Variants in SLC25A11 observed in about 807,000 individuals in gnomAD.
SLC25A11 encodes the protein mitochondrial 2-oxoglutarate/malate carrier protein.
SLC25A11 carries 11 observed loss-of-function variants against 32.7 expected under a neutral mutation model. The observed-to-expected ratio is 0.34, with a 90% CI of 0.21 to 0.56. The LOEUF (loss-of-function observed/expected upper bound fraction) is 0.56. SLC25A11 is among the 20% of genes least tolerant of loss of function. SLC25A11 has a pLI of 0.90. For missense variants in SLC25A11, 295 were observed against 426.3 expected, an observed-to-expected ratio of 0.69 and a Z score of 2.71; for synonymous variants, 163 against 168.3, an observed-to-expected ratio of 0.97 and a Z score of 0.24.
rs1177297963 is a variant in SLC25A11, at chr17:4,938,093, G to A, written c.738-19C>T. On this transcript the variant is annotated intron_variant, in intron 6 of 7. Transcript: ENST00000225665. The surrounding 1 kb of genome is among the most constrained non-coding windows in gnomAD (Gnocchi z 7.6). Reference sequence around the variant, plus strand: ...CTGGATTCTGCAGGAGAGGACGCAGGGGCATGAGAGACCGAAAGGGCACCC... The same window carrying A: ...CTGGATTCTGCAGGAGAGGACGCAGAGGCATGAGAGACCGAAAGGGCACCC... 5 of 1,614,152 alleles carry A rather than the reference G, an allele frequency of 3.1e-6. No individual in the cohort carries two copies. The highest frequency in any genetic ancestry group is 1.1e-5 in the South Asian group (1 of 91,078).
chr17:4,939,301 C>A lies in SLC25A11; in HGVS notation c.96-89G>T. On this transcript the variant is annotated intron_variant, in intron 1 of 7. Transcript: ENST00000225665. The surrounding 1 kb of genome is among the most constrained non-coding windows in gnomAD (Gnocchi z 4.1). Reference sequence around the variant, plus strand: ...CCTGGCAGCAAGAGGTTACAAAGGTCAGGGCCTGCCATGCGATTCAAGAAT... The same window carrying A: ...CCTGGCAGCAAGAGGTTACAAAGGTAAGGGCCTGCCATGCGATTCAAGAAT... 7.2e-7 allele frequency: 1 copy of A among 1,384,284 alleles called. No homozygotes were observed. Among genetic ancestry groups the A allele is most frequent in the South Asian group, 1.4e-5 (1 of 73,594 alleles). 85.8% of individuals were successfully genotyped at this position (1,384,284 alleles called of 1,614,324 possible).
chr17:4,939,061 C>T lies in SLC25A11; in HGVS notation c.247G>A (p.Gly83Arg), dbSNP rs1484995403. The T allele has an allele frequency of 6.2e-7, 1 of 1,614,208 alleles. No individual in the cohort carries two copies. The highest frequency in any genetic ancestry group is 1.3e-5 in the African/African-American group (1 of 75,050). Residue 83 changes from glycine to arginine, a missense_variant and splice_region_variant, in exon 2 of 8, where the codon GGG (glycine) becomes AGG (arginine). Gly to Arg is a moderately radical substitution (Grantham distance 125, BLOSUM62 -2). Around this residue, in one of 3 missense-constraint regions of SLC25A11, gnomAD observed 104 missense variants for 121.5 expected, o/e 0.86. Transcript: ENST00000225665. The surrounding 1 kb of genome is among the most constrained non-coding windows in gnomAD (Gnocchi z 4.1). Reference sequence around the variant, plus strand: ...CCCTCCATCCTGAGGCCCCAATACCCAGTGTAAATGCCCCTCAGGCCTTCT... The same window carrying T: ...CCCTCCATCCTGAGGCCCCAATACCTAGTGTAAATGCCCCTCAGGCCTTCT... ...KAEGLRGIYT[G>R]LSAGLLRQAT...
chr17:4,937,595 G>T lies in SLC25A11; in HGVS notation c.*146C>A. 1 of 909,538 alleles carries T rather than the reference G, an allele frequency of 1.1e-6. No individual in the cohort carries two copies. The highest frequency in any genetic ancestry group is 1.6e-6 in the Non-Finnish European group (1 of 614,566). 56.3% of individuals were successfully genotyped at this position (909,538 alleles called of 1,614,324 possible). A position where few individuals can be genotyped will look rare whatever the true frequency, so the allele number is the denominator to read the frequency against. On this transcript the variant is annotated 3_prime_UTR_variant, in exon 8 of 8. Coordinates refer to ENST00000225665, the MANE Select transcript of SLC25A11 (RefSeq NM_003562.5). ...GACGAGCAGGGCAAGCTGGAGCAGG[G>T]GGTAGAACAGACCAAGTCCTTTACC...
In SLC25A11 at chr17:4,939,020, G is replaced by A. The variant is rs1387692794; in HGVS notation, c.248+40C>T. On this transcript the variant is annotated intron_variant, in intron 2 of 7. Transcript: ENST00000225665. This position sits in a 1 kb window ranked among gnomAD's most constrained non-coding sequence, Gnocchi z 4.1. ...GCATATCAGGCCAAGGTCTAGAGCT[G>A]CCAACCCACAGTCTACCCTCCATCC... 10 of 1,614,054 alleles carry A rather than the reference G, an allele frequency of 6.2e-6. No homozygotes were observed. The highest frequency in any genetic ancestry group is 8.5e-6 in the Non-Finnish European group (10 of 1,180,008).
chr17:4,938,235 ATGT>A lies in SLC25A11; in HGVS notation c.653_655del (p.Asn218del), dbSNP rs746406233. 2 of 1,613,786 alleles carry A rather than the reference ATGT, an allele frequency of 1.2e-6. No homozygotes were observed. Among genetic ancestry groups the A allele is most frequent in the Non-Finnish European group, 1.7e-6 (2 of 1,179,820 alleles). On this transcript the variant is annotated inframe_deletion, in exon 6 of 8. Transcript: ENST00000225665. The surrounding 1 kb of genome is among the most constrained non-coding windows in gnomAD (Gnocchi z 7.6). ...CATGCTGGCACAGAAGTGGCACAAG[ATGT>A]TGTCAGAGAAGTAGCCTGGGGGAGG... is the stretch of plus-strand genomic sequence containing the variant.
chr17:4,937,357 A>C lies in SLC25A11; in HGVS notation c.*384T>G. 2 of 164,018 alleles carry C rather than the reference A, an allele frequency of 1.2e-5. No individual in the cohort carries two copies. Among genetic ancestry groups the C allele is most frequent in the Non-Finnish European group, 1.3e-5 (1 of 76,304 alleles). 10.2% of individuals were successfully genotyped at this position (164,018 alleles called of 1,614,324 possible). A position where few individuals can be genotyped will look rare whatever the true frequency, so the allele number is the denominator to read the frequency against. ...ATTAAGTCCTCAATGAGGGGGAGGA[A>C]GGGCCACATCTCCCTCTGCAGGCCC... On this transcript the variant is annotated 3_prime_UTR_variant, in exon 8 of 8. Transcript: ENST00000225665.
Position 4,940,010 on chromosome 17 carries a change from C to A in SLC25A11, c.-100G>T. On this transcript the variant is annotated 5_prime_UTR_variant, in exon 1 of 8. Coordinates refer to ENST00000225665, the MANE Select transcript of SLC25A11 (RefSeq NM_003562.5). ...GCAACAGAGCGAGGGCGCGCGCACG[C>A]CCCTCCAGCTCTCAGGTCCGACACC... The A allele has an allele frequency of 2.6e-6, 2 of 770,762 alleles. No homozygotes were observed. Among genetic ancestry groups the A allele is most frequent in the Non-Finnish European group, 1.9e-6 (1 of 519,804 alleles). The allele number at this position is 770,762 out of a possible 1,614,324, so 47.7% of individuals were successfully genotyped here.
Position 4,939,652 on chromosome 17 carries a change from T to C in SLC25A11, c.95+164A>G. The C allele has an allele frequency of 1.5e-6, 1 of 689,216 alleles. No homozygotes were observed. Among genetic ancestry groups the C allele is most frequent in the South Asian group, 1.7e-5 (1 of 60,472 alleles). The allele number at this position is 689,216 out of a possible 1,614,324, so 42.7% of individuals were successfully genotyped here. On this transcript the variant is annotated intron_variant, in intron 1 of 7. Coordinates refer to ENST00000225665, the MANE Select transcript of SLC25A11 (RefSeq NM_003562.5). The surrounding 1 kb of genome is among the most constrained non-coding windows in gnomAD (Gnocchi z 4.1). ...CCCTGCATGCAGTCCATAAGGGTCC[T>C]GCAATGGGGCCCTAGCAGCCCATCG...
chr17:4,938,040 C>G lies in SLC25A11; in HGVS notation c.772G>C (p.Glu258Gln). Residue 258 changes from glutamate (E) to glutamine (Q), a missense_variant, in exon 7 of 8, where the codon GAA becomes CAA. By Grantham distance (29) the Glu-to-Gln change is conservative. Coordinates refer to ENST00000225665, the MANE Select transcript of SLC25A11 (RefSeq NM_003562.5). The surrounding 1 kb of genome is among the most constrained non-coding windows in gnomAD (Gnocchi z 7.6). Reference protein sequence around the residue: ...QNMRMIDGKPEYKNGLDVLFK... With the variant: ...QNMRMIDGKPQYKNGLDVLFK... ...TTCCTCACCAGCCCGTTCTTGTATT[C>G]CGGCTTCCCATCAATCATCCGCATG... The G allele has an allele frequency of 1.2e-6, 2 of 1,614,184 alleles. No individual in the cohort carries two copies.
Position 4,940,034 on chromosome 17 carries a change from C to G in SLC25A11, c.-124G>C, listed in dbSNP as rs553531588. On this transcript the variant is annotated 5_prime_UTR_variant, in exon 1 of 8. Transcript: ENST00000225665. The stretch of plus-strand genomic sequence containing the variant: ...GCCCCTCCAGCTCTCAGGTCCGACA[C>G]CCGCTGGAAGCCGGCGCGGGCGCAG... The G allele has an allele frequency of 5.0e-6, 3 of 603,846 alleles. No individual in the cohort carries two copies. Among genetic ancestry groups the G allele is most frequent in the Non-Finnish European group, 7.8e-6 (3 of 383,210 alleles). 37.4% of individuals were successfully genotyped at this position (603,846 alleles called of 1,614,324 possible). A position where few individuals can be genotyped will look rare whatever the true frequency, so the allele number is the denominator to read the frequency against.
Position 4,939,144 on chromosome 17 carries a change from C to T in SLC25A11, c.164G>A (p.Gly55Glu). 1 of 1,614,014 alleles carries T rather than the reference C, an allele frequency of 6.2e-7. No homozygotes were observed. The highest frequency in any genetic ancestry group is 8.5e-7 in the Non-Finnish European group (1 of 1,179,920). ...VKNRMQLSGE[G>E]AKTREYKTSF... Reference sequence around the variant, plus strand: ...GGTTTTGTACTCTCGAGTCTTGGCCCCTTCCCCGCTCAACTGCATCCGGTT... The same window carrying T: ...GGTTTTGTACTCTCGAGTCTTGGCCTCTTCCCCGCTCAACTGCATCCGGTT... Residue 55 changes from glycine to glutamate, a missense_variant, in exon 2 of 8, where the codon GGG becomes GAG. Around this residue, in one of 3 missense-constraint regions of SLC25A11, gnomAD observed 104 missense variants for 121.5 expected, o/e 0.86. Coordinates refer to ENST00000225665, the MANE Select transcript of SLC25A11 (RefSeq NM_003562.5). The surrounding 1 kb of genome is among the most constrained non-coding windows in gnomAD (Gnocchi z 4.1).
At position 4,938,352 on chromosome 17, in the gene SLC25A11, G is replaced by C. The variant is rs755700342; in HGVS notation, c.624C>G (p.Phe208Leu). The C allele has an allele frequency of 1.9e-6, 3 of 1,614,154 alleles. No individual in the cohort carries two copies. In the Admixed American group the frequency reaches 5.0e-5, roughly 27 times the overall value. Residue 208 changes from phenylalanine to leucine, a missense_variant, in exon 5 of 8, where the codon TTC becomes TTG. Physicochemically the swap from Phe to Leu is conservative, Grantham distance 22 (BLOSUM62 0). Transcript: ENST00000225665. The surrounding 1 kb of genome is among the most constrained non-coding windows in gnomAD (Gnocchi z 7.6). The stretch of plus-strand genomic sequence containing the variant: ...TCTGGATCTCACCTGAGTCCAGTAA[G>C]AACTGCTTGGATTGGGAGTAGGAGG... ...QLASYSQSKQ[F>L]LLDSGYFSDN...
chr17:4,938,894 A>C lies in SLC25A11; in HGVS notation c.330T>G (p.Thr110=). Residue 110 remains threonine (T), a synonymous_variant, in exon 3 of 8, where the codon ACT becomes ACG. Transcript: ENST00000225665. This position sits in a 1 kb window ranked among gnomAD's most constrained non-coding sequence, Gnocchi z 7.6. The part of the protein sequence containing the change: ...GIYTVLFERL[T]GADGTPPGFL... The stretch of plus-strand genomic sequence containing the variant: ...AGCCAGGGGGAGTACCATCAGCCCC[A>C]GTCAGGCGCTCAAACAGCACGGTAT... 6.2e-7 allele frequency: 1 copy of C among 1,614,176 alleles called. No individual in the cohort carries two copies. The highest frequency in any genetic ancestry group is 8.5e-7 in the Non-Finnish European group (1 of 1,180,024).
chr17:4,938,254 C>G lies in SLC25A11; in HGVS notation c.638-1G>C. 6.2e-7 allele frequency: 1 copy of G among 1,613,380 alleles called. No individual in the cohort carries two copies. Among genetic ancestry groups the G allele is most frequent in the Non-Finnish European group, 8.5e-7 (1 of 1,179,626 alleles). The stretch of plus-strand genomic sequence containing the variant: ...CACAAGATGTTGTCAGAGAAGTAGC[C>G]TGGGGGAGGTGAGGCGGGGGTGGCA... On this transcript the variant is annotated splice_acceptor_variant, in intron 5 of 7. Transcript: ENST00000225665. LOFTEE classifies it high-confidence loss of function. This position sits in a 1 kb window ranked among gnomAD's most constrained non-coding sequence, Gnocchi z 7.6.
In SLC25A11 at chr17:4,937,662, G is replaced by C. The variant is rs530904936; in HGVS notation, c.*79C>G. On this transcript the variant is annotated 3_prime_UTR_variant, in exon 8 of 8. Coordinates refer to ENST00000225665, the MANE Select transcript of SLC25A11 (RefSeq NM_003562.5). ...CACTGTGGAAGGGAAATAAATAGAG[G>C]GGTCCAGGGCAGCAGAGCCCAGGCC... 8.2e-6 allele frequency: 12 copies of C among 1,470,162 alleles called. No individual in the cohort carries two copies. The African/African-American group carries it at 1.6e-4, about 19-fold the overall frequency. 91.1% of individuals were successfully genotyped at this position (1,470,162 alleles called of 1,614,324 possible).
At position 4,940,037 on chromosome 17, in the gene SLC25A11, G is replaced by T. The variant is rs1373938939; in HGVS notation, c.-127C>A. Reference sequence around the variant, plus strand: ...CCTCCAGCTCTCAGGTCCGACACCCGCTGGAAGCCGGCGCGGGCGCAGGCG... The same window carrying T: ...CCTCCAGCTCTCAGGTCCGACACCCTCTGGAAGCCGGCGCGGGCGCAGGCG... On this transcript the variant is annotated 5_prime_UTR_variant, in exon 1 of 8. Coordinates refer to ENST00000225665, the MANE Select transcript of SLC25A11 (RefSeq NM_003562.5). The T allele has an allele frequency of 1.7e-6, 1 of 579,064 alleles. No individual in the cohort carries two copies. Among genetic ancestry groups the T allele is most frequent in the African/African-American group, 2.0e-5 (1 of 50,422 alleles). 35.9% of individuals were successfully genotyped at this position (579,064 alleles called of 1,614,324 possible).
Position 4,939,015 on chromosome 17 carries a change from G to C in SLC25A11, c.249-40C>G, listed in dbSNP as rs184974023. On this transcript the variant is annotated intron_variant, in intron 2 of 7. Transcript: ENST00000225665. This position sits in a 1 kb window ranked among gnomAD's most constrained non-coding sequence, Gnocchi z 4.1. ...GGTCAGCATATCAGGCCAAGGTCTA[G>C]AGCTGCCAACCCACAGTCTACCCTC... 118 of 1,614,210 alleles carry C rather than the reference G, an allele frequency of 7.3e-5. 1 individual carries two copies. In the Admixed American group the frequency reaches 1.4e-3, roughly 19 times the overall value.
chr17:4,937,803 G>C lies in SLC25A11; in HGVS notation c.883C>G (p.Leu295Val). The C allele has an allele frequency of 6.2e-7, 1 of 1,614,192 alleles. No homozygotes were observed. Among genetic ancestry groups the C allele is most frequent in the Non-Finnish European group, 8.5e-7 (1 of 1,180,032 alleles). Residue 295 changes from leucine (L) to valine (V), a missense_variant, in exon 8 of 8, where the codon CTC (leucine) becomes GTC (valine). Transcript: ENST00000225665. ...YYARLGPHTV[L>V]TFIFLEQMNK... Reference sequence around the variant, plus strand: ...ATCTGCTCCAAGAAGATGAAGGTGAGGACGGTGTGGGGGCCCAGGCGGGCA... The same window carrying C: ...ATCTGCTCCAAGAAGATGAAGGTGACGACGGTGTGGGGGCCCAGGCGGGCA...
In SLC25A11 at chr17:4,939,506, A is replaced by C. The variant is rs1045032921; in HGVS notation, c.96-294T>G. On this transcript the variant is annotated intron_variant, in intron 1 of 7. Coordinates refer to ENST00000225665, the MANE Select transcript of SLC25A11 (RefSeq NM_003562.5). This position sits in a 1 kb window ranked among gnomAD's most constrained non-coding sequence, Gnocchi z 4.1. Reference sequence around the variant, plus strand: ...ACAGGGAGGGGAGGAAGGGGCATCCAAGATTTAGGACTCCAGGTAGTCCTG... The same window carrying C: ...ACAGGGAGGGGAGGAAGGGGCATCCCAGATTTAGGACTCCAGGTAGTCCTG... The C allele has an allele frequency of 5.2e-6, 3 of 572,532 alleles. No homozygotes were observed. Among genetic ancestry groups the C allele is most frequent in the Non-Finnish European group, 9.3e-6 (3 of 323,380 alleles). 35.5% of individuals were successfully genotyped at this position (572,532 alleles called of 1,614,324 possible).
Sources: allele counts gnomAD v4.1 joint callset, GRCh38; gene constraint gnomAD v4.1.1; regional missense constraint gnomAD v4.1.1; non-coding constraint Gnocchi (gnomAD v3.1); transcripts MANE v1.5; gene names NCBI Gene and HGNC (gene_info 2026-07-23, HGNC 2026-07-21).